Variants in ERBB4 observed in about 807,000 individuals in gnomAD.
The protein encoded by ERBB4 is erb-b2 receptor tyrosine kinase 4.
ERBB4 carries 42 observed loss-of-function variants against 158.0 expected under a neutral mutation model. The observed-to-expected ratio is 0.27, with a 90% CI of 0.21 to 0.34. The LOEUF (loss-of-function observed/expected upper bound fraction) is 0.34, where lower values mean the gene tolerates loss of function less well. Among genes scored for constraint, ERBB4 ranks in the 10% least tolerant of loss-of-function variants. ERBB4 has a pLI of 1.00. For missense variants in ERBB4, 1,333 were observed against 1,624.1 expected, an observed-to-expected ratio of 0.82 and a Z score of 3.08; for synonymous variants, 583 against 558.7, an observed-to-expected ratio of 1.04 and a Z score of -0.61.
At chr2:211,603,436 T>A (rs1161384048) in intron 19 of ERBB4, among the ~76,000 whole-genome samples, 1 of 152,064 alleles carries the variant, frequency 6.6e-6, no homozygotes, top group African/African-American at 2.4e-5. Flanking sequence ...GAACAACACC[T>A]ACATAGCAAT....
At chr2:211,916,427 G>A (rs993843962) in intron 3 of ERBB4, among the ~76,000 whole-genome samples, 7 of 152,012 alleles carry the variant, frequency 4.6e-5, no homozygotes, top group South Asian at 4.2e-4. Context: ...TGATCTGTCC[G>A]CCTCGGCCTC....
At chr2:211,916,675 A>G (rs1167235788) in intron 3 of ERBB4, among the ~76,000 whole-genome samples, 1 of 152,106 alleles carries the variant, frequency 6.6e-6, no homozygotes, top group East Asian at 1.9e-4. Flanking sequence ...AATATTATCA[A>G]CAGGATGTGG....
At chr2:211,388,049 A>T in intron 25 of ERBB4, 57 bp from the exon 26 acceptor site, 1 of 1,326,594 alleles carries the variant, frequency 7.5e-7, no homozygotes, top group Non-Finnish European at 1.1e-6. Flanking sequence ...TGAATGAAAA[A>T]ATTAAAAAAA....
intron 3 of ERBB4, among the ~76,000 whole-genome samples, chr2:211,935,051 T>G (rs1032783863): frequency 5.3e-5 from 8 of 152,188 alleles, no homozygotes; most frequent in Admixed American, 1.3e-4. Flanking sequence ...TCCCCTTTCT[T>G]CTCAGAATCC....
At chr2:211,478,099 C>T (rs2065000781) in intron 20 of ERBB4, among the ~76,000 whole-genome samples, 1 of 152,132 alleles carries the variant, frequency 6.6e-6, no homozygotes, top group African/African-American at 2.4e-5. Flanking sequence ...GGTGCACACT[C>T]AGCCAAATAA....
chr2:211,998,734 T>A lies in ERBB4; in HGVS notation c.235-51118A>T, dbSNP rs149091054. ...TAGCTCTTTGTAAACAAATCAGAAGTTTACTTGTGTAATTTCTTTGAAAAA... is the reference window on the plus strand; with the variant it reads ...TAGCTCTTTGTAAACAAATCAGAAGATTACTTGTGTAATTTCTTTGAAAAA... On this transcript the variant is annotated intron_variant, in intron 2 of 27. Coordinates refer to ENST00000342788, the MANE Select transcript of ERBB4 (RefSeq NM_005235.3). Among the ~76,000 whole-genome samples the A allele has an allele frequency of 1.4e-3, 216 of 151,990 alleles. 1 individual carries two copies. Among genetic ancestry groups the A allele is most frequent in the Non-Finnish European group, 1.9e-4 (13 of 67,806 alleles).
chr2:211,839,825 C>T (rs1282592141), intron 3 of ERBB4, among the ~76,000 whole-genome samples: 1 of 152,002 alleles, frequency 6.6e-6, no homozygotes, highest in African/African-American at 2.4e-5. Flanking sequence ...GGTGAGTGTG[C>T]ACTCCTATGT....
At chr2:212,308,138 T>G (rs1505345) in intron 1 of ERBB4, among the ~76,000 whole-genome samples, 116,654 of 150,954 alleles carry the variant, frequency 0.77, 46,231 homozygotes, top group East Asian at 0.88. Flanking sequence ...CTTGGTTGTT[T>G]ATTTTGACAT....
chr2:211,932,582 T>C (rs915773451), intron 3 of ERBB4, among the ~76,000 whole-genome samples: 11 of 151,944 alleles, frequency 7.2e-5, no homozygotes, highest in Admixed American at 2.0e-4. Context: ...GGGGGGAGTG[T>C]CCATCATTCT....
chr2:211,671,745 C>T (rs1225924183), intron 14 of ERBB4, among the ~76,000 whole-genome samples: 3 of 152,158 alleles, frequency 2.0e-5, no homozygotes, highest in African/African-American at 7.2e-5. Flanking sequence ...CAAGAAGTTA[C>T]CTAAATATGT....
rs1384274725 is a variant in ERBB4 at position 212,168,253 on chromosome 2, T to C, written c.83-43350A>G. ...CTGGGGGAATACACTGGAGTAATTT[T>C]AGGCTTGATTTTTTCAAGAGTAAAG... On this transcript the variant is annotated intron_variant, in intron 1 of 27. Coordinates refer to ENST00000342788, the MANE Select transcript of ERBB4 (RefSeq NM_005235.3). 3.3e-5 allele frequency among the ~76,000 whole-genome samples: 5 copies of C among 152,242 alleles called. No individual in the cohort carries two copies. The East Asian group carries it at 9.7e-4, about 29-fold the overall frequency.
intron 3 of ERBB4, among the ~76,000 whole-genome samples, chr2:211,873,922 T>A (rs1473933044): frequency 6.6e-6 from 1 of 152,064 alleles, no homozygotes; most frequent in African/African-American, 2.4e-5. Context: ...ACTCATGGTA[T>A]ATATAAAAAG....
intron 20 of ERBB4, among the ~76,000 whole-genome samples, chr2:211,516,377 A>G (rs1454621817): frequency 1.3e-5 from 2 of 149,102 alleles, no homozygotes; most frequent in East Asian, 2.0e-4. Context: ...TCTGTTGCCC[A>G]GGCTGGAGTG....
intron 2 of ERBB4, among the ~76,000 whole-genome samples, chr2:212,059,586 A>C (rs1256418355): frequency 6.6e-6 from 1 of 152,226 alleles, no homozygotes; most frequent in South Asian, 2.1e-4. Context: ...TACTGGTACC[A>C]AAACAGAGAT....
intron 19 of ERBB4, among the ~76,000 whole-genome samples, chr2:211,596,563 A>G (rs2068634839): frequency 6.6e-6 from 1 of 151,874 alleles, no homozygotes; most frequent in African/African-American, 2.4e-5. Flanking sequence ...TTCCTAATAA[A>G]CCTCTGCATT....
At chr2:211,573,653 G>C (rs1056402641) in intron 19 of ERBB4, among the ~76,000 whole-genome samples, 10 of 152,060 alleles carry the variant, frequency 6.6e-5, no homozygotes, top group African/African-American at 1.9e-4. Context: ...CTGGGTGACA[G>C]AGCGAGACTC....
At chr2:211,763,412 A>G (rs1356532780) in intron 4 of ERBB4, among the ~76,000 whole-genome samples, 1 of 152,290 alleles carries the variant, frequency 6.6e-6, no homozygotes, top group East Asian at 1.9e-4. Context: ...GAGTTCCTTA[A>G]GGGAAGGAAC....
At chr2:212,140,523 G>T (rs1328645754) in intron 1 of ERBB4, among the ~76,000 whole-genome samples, 33 of 121,686 alleles carry the variant, frequency 2.7e-4, no homozygotes, top group African/African-American at 7.7e-4. Context: ...TTTTAAAAAT[G>T]TTTTTTTTTT....
intron 5 of ERBB4, among the ~76,000 whole-genome samples, chr2:211,727,327 T>C (rs1213382814): frequency 6.6e-6 from 1 of 152,160 alleles, no homozygotes; most frequent in Middle Eastern, 3.2e-3. Context: ...ATGGCACTTA[T>C]ACATTTGTAT....
Sources: gnomAD v4.1 joint callset for allele counts (sites outside exome capture counted in the v4.1 genomes callset) on GRCh38, gnomAD v4.1.1 for gene constraint, MANE v1.5 for transcripts, NCBI Gene and HGNC (gene_info 2026-07-23, HGNC 2026-07-21) for gene names.